Variants in MASP1 observed in about 807,000 individuals in gnomAD.
MASP1 encodes MBL associated serine protease 1, also known as mannan-binding lectin serine protease 1.
MASP1 carries 59 observed loss-of-function variants against 77.1 expected under a neutral mutation model. The observed-to-expected ratio is 0.77, with a 90% CI of 0.62 to 0.95. The LOEUF (loss-of-function observed/expected upper bound fraction) is 0.95. Among genes scored for constraint, MASP1 ranks in the 40% least tolerant of loss-of-function variants. The pLI, the probability that MASP1 is intolerant of heterozygous loss-of-function variation, is 0.00. For missense variants in MASP1, 885 were observed against 912.9 expected (o/e 0.97, Z 0.39); for synonymous variants, 362 against 354.5 (o/e 1.02, Z -0.24).
At chr3:187,253,123 G>A (rs1304871257) in intron 6 of MASP1, 45 bp downstream of exon 6, 2 of 1,611,700 alleles carry the variant, frequency 1.2e-6, no homozygotes, top group South Asian at 2.2e-5. Flanking sequence ...CCTCTGCAAG[G>A]GCTAAGCACA....
chr3:187,289,282 C>T (rs781163079), intron 1 of MASP1, among the ~76,000 whole-genome samples: 21 of 152,104 alleles, frequency 1.4e-4, no homozygotes, highest in Non-Finnish European at 2.6e-4. Flanking sequence ...CCGTACACGC[C>T]CCTTGTTTCA....
chr3:187,267,820 C>A (rs1413121612), intron 2 of MASP1, among the ~76,000 whole-genome samples: 1 of 152,198 alleles, frequency 6.6e-6, no homozygotes, highest in Non-Finnish European at 1.5e-5. Flanking sequence ...CCACCCATGC[C>A]AGGGCTTTAA....
At chr3:187,265,575 G>A (rs1372600332) in intron 2 of MASP1, among the ~76,000 whole-genome samples, 2 of 152,182 alleles carry the variant, frequency 1.3e-5, no homozygotes, top group Non-Finnish European at 2.9e-5. Flanking sequence ...TGGGAATTCA[G>A]CCTGCAGCTC....
At position 187,241,480 on chromosome 3, in the gene MASP1, C is replaced by A; in HGVS notation, c.1303+1G>T. On this transcript the variant is annotated splice_donor_variant, in intron 10 of 10. Transcript: ENST00000296280. LOFTEE classifies it high-confidence loss of function. ...GGCAAAGGATTTGGAGGGTGAGGTA[C>A]CTGGAAGGCAGGTGGGTAGGCTTCT... 2 of 1,613,440 alleles carry A rather than the reference C, an allele frequency of 1.2e-6. No homozygotes were observed. The highest frequency in any genetic ancestry group is 1.1e-5 in the South Asian group (1 of 91,056).
chr3:187,222,985 T>A (rs1283084213), intron 14 of MASP1: 1 of 723,622 alleles, frequency 1.4e-6, no homozygotes, highest in Non-Finnish European at 2.5e-6. Context: ...CCCATTGAAC[T>A]TTGGAGGTGG....
chr3:187,234,698 T>G lies in MASP1; in HGVS notation c.*986A>C, dbSNP rs1712994558. ...CTGGCAGGATTTGGGTGACTTCTAA[T>G]GTGCCCACCCCACTCTTTCTTCCAT... On this transcript the variant is annotated 3_prime_UTR_variant, in exon 11 of 11. Coordinates refer to ENST00000296280, the MANE Select transcript of MASP1 (RefSeq NM_139125.4). The G allele has an allele frequency of 7.8e-7, 1 of 1,287,044 alleles. No homozygotes were observed. The highest frequency in any genetic ancestry group is 1.5e-5 in the African/African-American group (1 of 65,764). 79.7% of individuals were successfully genotyped at this position (1,287,044 alleles called of 1,614,324 possible). A position where few individuals can be genotyped will look rare whatever the true frequency, so the allele number is the denominator to read the frequency against.
rs1386945380 is a variant in MASP1 at position 187,250,297 on chromosome 3, C to G, written c.1044G>C (p.Glu348Asp). Residue 348 changes from glutamate (E) to aspartate (D), a missense_variant, in exon 8 of 11, where the codon GAG becomes GAC. By Grantham distance (45) the Glu-to-Asp change is conservative. Coordinates refer to ENST00000296280, the MANE Select transcript of MASP1 (RefSeq NM_139125.4). ...TACTCCACGTCCCATCCTTCAGACA[C>G]TCAATCTGGAATGTGTCCATCTCCA... is the stretch of plus-strand genomic sequence containing the variant. Reference protein sequence around the residue: ...DNVEMDTFQIECLKDGTWSNK... With the variant: ...DNVEMDTFQIDCLKDGTWSNK... 2 of 1,614,014 alleles carry G rather than the reference C, an allele frequency of 1.2e-6. No homozygotes were observed.
At chr3:187,270,729 G>A (rs1047590945) in intron 2 of MASP1, among the ~76,000 whole-genome samples, 2 of 152,226 alleles carry the variant, frequency 1.3e-5, no homozygotes, top group African/African-American at 4.8e-5. Flanking sequence ...GCAACTGTGT[G>A]AAGAAGCCCT....
At chr3:187,277,874 C>T (rs1717088859) in intron 2 of MASP1, among the ~76,000 whole-genome samples, 1 of 152,132 alleles carries the variant, frequency 6.6e-6, no homozygotes, top group South Asian at 2.1e-4. Context: ...TCGAATAGTG[C>T]TTTGGAAGCA....
chr3:187,289,605 G>A (rs533132140), intron 1 of MASP1, among the ~76,000 whole-genome samples: 1 of 152,290 alleles, frequency 6.6e-6, no homozygotes, highest in South Asian at 2.1e-4. Flanking sequence ...CCCTCCTCAG[G>A]AGGTTCTGGT....
At chr3:187,269,866 A>C (rs1034988395) in intron 2 of MASP1, among the ~76,000 whole-genome samples, 2 of 152,220 alleles carry the variant, frequency 1.3e-5, no homozygotes, top group Admixed American at 6.5e-5. Flanking sequence ...ATATACTTCA[A>C]GAGCTATACC....
At chr3:187,262,800 A>G in intron 2 of MASP1, 80 bp from the exon 3 acceptor site, 6 of 1,345,866 alleles carry the variant, frequency 4.5e-6, no homozygotes, top group Non-Finnish European at 6.4e-6. Context: ...AAGAAAAAGG[A>G]AGGGGCCACC....
chr3:187,230,035 T>A (rs1298447601), downstream of MASP1: 1 of 925,150 alleles, frequency 1.1e-6, no homozygotes, highest in Non-Finnish European at 1.6e-6. Flanking sequence ...TTCCTGATAA[T>A]AGCATCCCAG....
intron 7 of MASP1, chr3:187,251,336 T>C: frequency 2.7e-6 from 1 of 376,596 alleles, no homozygotes; most frequent in South Asian, 2.6e-5. Context: ...CGATGAACTT[T>C]GTTACAGTTC....
exon 16 of MASP1, chr3:187,217,468 C>G (rs1711834272): frequency 6.6e-6 from 1 of 152,096 alleles, no homozygotes; most frequent in Non-Finnish European, 1.5e-5. Flanking sequence ...AAGAGGAGAC[C>G]TTTTAAAGAG....
chr3:187,235,163 C>T lies in MASP1; in HGVS notation c.*521G>A. The stretch of plus-strand genomic sequence containing the variant: ...AGAGAGGGGCTTGGCTATGAGCCAT[C>T]TCCCAAAACCTGAATGCTCTTCTCC... On this transcript the variant is annotated 3_prime_UTR_variant, in exon 11 of 11. Transcript: ENST00000296280. 1 of 1,287,686 alleles carries T rather than the reference C, an allele frequency of 7.8e-7. No individual in the cohort carries two copies. Among genetic ancestry groups the T allele is most frequent in the Non-Finnish European group, 1.0e-6 (1 of 988,982 alleles). 79.8% of individuals were successfully genotyped at this position (1,287,686 alleles called of 1,614,324 possible).
chr3:187,266,850 A>G (rs1393642598), intron 2 of MASP1, among the ~76,000 whole-genome samples: 2 of 152,082 alleles, frequency 1.3e-5, no homozygotes, highest in African/African-American at 4.8e-5. Flanking sequence ...AAGGACAGCT[A>G]CTCTATGGAA....
chr3:187,255,260 G>A (rs1285035004), intron 5 of MASP1, among the ~76,000 whole-genome samples: 1 of 152,190 alleles, frequency 6.6e-6, no homozygotes, highest in Non-Finnish European at 1.5e-5. Flanking sequence ...TCTGATGGCA[G>A]GGGCCAATGT....
chr3:187,261,918 C>T (rs150078913), intron 3 of MASP1, among the ~76,000 whole-genome samples: 2 of 152,220 alleles, frequency 1.3e-5, no homozygotes, highest in African/African-American at 2.4e-5. Flanking sequence ...CTGATGCATG[C>T]GACACATGAA....
Sources: gnomAD v4.1 joint callset for allele counts (sites outside exome capture counted in the v4.1 genomes callset) on GRCh38, gnomAD v4.1.1 for gene constraint, MANE v1.5 for transcripts, NCBI Gene and HGNC (gene_info 2026-07-23, HGNC 2026-07-21) for gene names.